PLEKHA5: variants seen among roughly 807,000 people sequenced by gnomAD.
The protein encoded by PLEKHA5 is pleckstrin homology domain containing A5, also known as pleckstrin homology domain-containing family A member 5.
PLEKHA5 carries 55 observed loss-of-function variants against 181.9 expected under a neutral mutation model. The ratio of observed to expected loss-of-function variants is 0.30; its 90% confidence interval spans 0.24 to 0.38. PLEKHA5 has a LOEUF of 0.38. Ranked by LOEUF, PLEKHA5 falls within the 10% of genes least tolerant of loss-of-function variation. The pLI is 1.00. For missense variants in PLEKHA5, 1,432 were observed against 1,549.5 expected (o/e 0.92, Z 1.27); for synonymous variants, 535 against 529.4 (o/e 1.01, Z -0.15).
At chr12:19,205,333 T>A in intron 3 of PLEKHA5, 2 of 979,718 alleles carry the variant, frequency 2.0e-6, no homozygotes, top group Non-Finnish European at 1.2e-6. Context: ...AGAAAAGAGA[T>A]CACGGTGTGC....
At chr12:19,156,664 A>G (rs1284906005) in intron 3 of PLEKHA5, among the ~76,000 whole-genome samples, 1 of 151,960 alleles carries the variant, frequency 6.6e-6, no homozygotes, top group Non-Finnish European at 1.5e-5. Flanking sequence ...TGATGTTGAT[A>G]TCATAAGAAT....
intron 7 of PLEKHA5, 23 bp downstream of exon 7, chr12:19,261,044 G>T (rs374368253): frequency 1.5e-6 from 2 of 1,359,096 alleles, no homozygotes; most frequent in Admixed American, 3.5e-5. Flanking sequence ...TACTGTCTTA[G>T]TGTATTATTT....
At chr12:19,142,724 C>T (rs1019615899) in intron 3 of PLEKHA5, among the ~76,000 whole-genome samples, 1 of 152,138 alleles carries the variant, frequency 6.6e-6, no homozygotes, top group African/African-American at 2.4e-5. Flanking sequence ...GTATACAATA[C>T]ATTATCTCAG....
chr12:19,353,689 C>T (rs900816022), intron 25 of PLEKHA5, among the ~76,000 whole-genome samples, 195 bp from the exon 26 acceptor site: 4 of 151,082 alleles, frequency 2.6e-5, no homozygotes, highest in Non-Finnish European at 5.9e-5. Flanking sequence ...AAACTCCTGA[C>T]CTCAGGTCAT....
At chr12:19,313,711 A>G (rs947918819) in intron 15 of PLEKHA5, among the ~76,000 whole-genome samples, 2 of 152,104 alleles carry the variant, frequency 1.3e-5, no homozygotes, top group African/African-American at 4.8e-5. Flanking sequence ...AAAGACAAAC[A>G]TGTGTTTCAT....
At chr12:19,372,398 T>TG (rs1035026598) in intron 31 of PLEKHA5, 2 of 151,372 alleles carry the variant, frequency 1.3e-5, no homozygotes, top group Non-Finnish European at 1.5e-5. Context: ...ATTATTTGTT[T>TG]TTGTTTTTTT....
chr12:19,288,003 A>C, intron 13 of PLEKHA5: 2 of 226,948 alleles, frequency 8.8e-6, no homozygotes, highest in Non-Finnish European at 1.7e-5. Flanking sequence ...ACTTGAACCC[A>C]GGAGGTGGAG....
At chr12:19,363,331 T>A (rs1565667825) in intron 29 of PLEKHA5, among the ~76,000 whole-genome samples, 1 of 151,368 alleles carries the variant, frequency 6.6e-6, no homozygotes, top group Non-Finnish European at 1.5e-5. Context: ...TTTATTTTTT[T>A]ATTTTTTTTT....
chr12:19,192,480 T>C (rs1198044368), intron 3 of PLEKHA5, among the ~76,000 whole-genome samples: 3 of 152,184 alleles, frequency 2.0e-5, no homozygotes, highest in East Asian at 3.9e-4. Flanking sequence ...GGCAGATCAC[T>C]TGAAGTCAGG....
At chr12:19,141,094 A>C (rs2037130252) in intron 3 of PLEKHA5, among the ~76,000 whole-genome samples, 1 of 152,154 alleles carries the variant, frequency 6.6e-6, no homozygotes, top group African/African-American at 2.4e-5. Context: ...GTGCCCAGCC[A>C]GGAAACACTT....
chr12:19,181,221 G>A (rs1368142964), intron 3 of PLEKHA5, among the ~76,000 whole-genome samples: 1 of 152,128 alleles, frequency 6.6e-6, no homozygotes, highest in Admixed American at 6.5e-5. Context: ...ATTGAATTCT[G>A]CTTAGATTGT....
At chr12:19,342,956 T>C (rs2094052898) in intron 21 of PLEKHA5, among the ~76,000 whole-genome samples, 2 of 152,092 alleles carry the variant, frequency 1.3e-5, no homozygotes, top group African/African-American at 2.4e-5. Context: ...CCAGAAATTA[T>C]TTTTTCTTTT....
At chr12:19,156,895 C>CA (rs3056381) in intron 3 of PLEKHA5, among the ~76,000 whole-genome samples, 83,286 of 130,446 alleles carry the variant, frequency 0.64, 28,071 homozygotes, top group Non-Finnish European at 0.76. Flanking sequence ...CAAAAAATAC[C>CA]AAAAAAAAAA....
chr12:19,243,489 CATA>C (rs1363738036), intron 3 of PLEKHA5: 2 of 152,182 alleles, frequency 1.3e-5, no homozygotes, highest in Non-Finnish European at 2.9e-5. Flanking sequence ...TGGTGGTGAT[CATA>C]ATATTTATTG....
At chr12:19,140,733 C>A (rs576581223) in intron 3 of PLEKHA5, among the ~76,000 whole-genome samples, 215 of 152,316 alleles carry the variant, frequency 1.4e-3, no homozygotes, top group Non-Finnish European at 2.7e-3. Flanking sequence ...CATCTAGTCA[C>A]AACCCTTGTT....
At chr12:19,289,819 T>C (rs899576068) in intron 13 of PLEKHA5, among the ~76,000 whole-genome samples, 1 of 152,136 alleles carries the variant, frequency 6.6e-6, no homozygotes, top group Non-Finnish European at 1.5e-5. Flanking sequence ...AAAAATGCTA[T>C]ATGAAAGCAC....
At chr12:19,224,810 T>C (rs2059462374) in intron 3 of PLEKHA5, among the ~76,000 whole-genome samples, 1 of 152,188 alleles carries the variant, frequency 6.6e-6, no homozygotes, top group Non-Finnish European at 1.5e-5. Flanking sequence ...ATACACGTTC[T>C]AAAAGCAATG....
intron 16 of PLEKHA5, among the ~76,000 whole-genome samples, chr12:19,318,648 C>T (rs1010827716): frequency 1.8e-4 from 28 of 152,048 alleles, no homozygotes; most frequent in Non-Finnish European, 3.1e-4. Context: ...TACGGCTGGG[C>T]GTGGTGGCTC....
At chr12:19,277,029 A>G (rs888716516) in intron 11 of PLEKHA5, among the ~76,000 whole-genome samples, 1 of 152,206 alleles carries the variant, frequency 6.6e-6, no homozygotes, top group Non-Finnish European at 1.5e-5. Context: ...TAAGGCATAG[A>G]TGAATAAAAA....
Sources: allele counts gnomAD v4.1 joint callset (sites outside exome capture counted in the v4.1 genomes callset), GRCh38; gene constraint gnomAD v4.1.1; transcripts MANE v1.5; gene names NCBI Gene and HGNC (gene_info 2026-07-23, HGNC 2026-07-21).